DLGAP2: variants seen among roughly 807,000 people sequenced by gnomAD.
The protein encoded by DLGAP2 is disks large-associated protein 2.
In DLGAP2, 26 loss-of-function variants were observed where a neutral mutation model predicts 100.3. That is an observed-to-expected ratio of 0.26 (90% confidence interval 0.19 to 0.36). The LOEUF is 0.36. Ranked by LOEUF, DLGAP2 falls within the 10% of genes least tolerant of loss-of-function variation. The pLI, the probability that DLGAP2 is intolerant of heterozygous loss-of-function variation, is 1.00. For missense variants in DLGAP2, 1,858 were observed against 1,453.2 expected (o/e 1.28, Z -4.53); for synonymous variants, 886 against 630.1 (o/e 1.41, Z -6.08).
chr8:1,002,655 T>C (rs970319505), intron 2 of DLGAP2: 1 of 152,226 alleles, frequency 6.6e-6, no homozygotes, highest in African/African-American at 2.4e-5. Context: ...GGGTCCACTT[T>C]GTAGTGGCAG....
At chr8:1,534,533 C>G (rs552429440) in intron 4 of DLGAP2, among the ~76,000 whole-genome samples, 87 of 152,324 alleles carry the variant, frequency 5.7e-4, no homozygotes, top group African/African-American at 1.8e-3. Flanking sequence ...GAGTTGAACA[C>G]CTGAGTTTAG....
At chr8:818,703 A>C (rs1796531257) in intron 1 of DLGAP2, among the ~76,000 whole-genome samples, 1 of 152,232 alleles carries the variant, frequency 6.6e-6, no homozygotes, top group Admixed American at 6.5e-5. Flanking sequence ...TGTGCTGAGA[A>C]TAGGAAACTT....
chr8:1,319,882 A>G (rs1800855352), intron 3 of DLGAP2, among the ~76,000 whole-genome samples: 1 of 152,224 alleles, frequency 6.6e-6, no homozygotes, highest in Non-Finnish European at 1.5e-5. Flanking sequence ...CACAGGAGAC[A>G]AAGGCAGAGG....
chr8:1,209,041 G>A (rs1482001948), intron 2 of DLGAP2, among the ~76,000 whole-genome samples: 2 of 152,036 alleles, frequency 1.3e-5, no homozygotes, highest in Non-Finnish European at 2.9e-5. Context: ...GCTCATGGAT[G>A]GGTAGAATTA....
chr8:1,256,540 G>A (rs1314930369), intron 2 of DLGAP2, among the ~76,000 whole-genome samples: 2 of 147,686 alleles, frequency 1.4e-5, no homozygotes, highest in Non-Finnish European at 3.0e-5. Context: ...ATCCTGCCCA[G>A]GCGCTGTGTG....
At chr8:1,538,948 C>T (rs750468975) in intron 4 of DLGAP2, among the ~76,000 whole-genome samples, 15 of 145,870 alleles carry the variant, frequency 1.0e-4, no homozygotes, top group East Asian at 2.0e-4. Context: ...TGCAATGGTG[C>T]GATCTCCACT....
At chr8:1,458,070 T>G (rs539275136) in intron 3 of DLGAP2, among the ~76,000 whole-genome samples, 2 of 147,178 alleles carry the variant, frequency 1.4e-5, no homozygotes, top group South Asian at 4.3e-4. Flanking sequence ...ATGTATATAA[T>G]TTTTTGTATG....
intron 1 of DLGAP2, among the ~76,000 whole-genome samples, chr8:765,260 G>T (rs118125615): frequency 6.6e-6 from 1 of 152,202 alleles, no homozygotes; most frequent in East Asian, 1.9e-4. Flanking sequence ...GATTTTCAAG[G>T]GCTGTTCTAG....
intron 9 of DLGAP2, among the ~76,000 whole-genome samples, chr8:1,668,933 C>G (rs1207290494): frequency 6.9e-6 from 1 of 144,484 alleles, no homozygotes; most frequent in Non-Finnish European, 1.5e-5. Context: ...CTCCCTGTCC[C>G]CTGCCACCCT....
At chr8:1,071,010 T>G (rs1036375519) in intron 2 of DLGAP2, among the ~76,000 whole-genome samples, 2 of 152,156 alleles carry the variant, frequency 1.3e-5, no homozygotes, top group African/African-American at 2.4e-5. Context: ...AACAGTGTGC[T>G]GTGGATGAGA....
chr8:1,294,339 C>G (rs1267564707), intron 3 of DLGAP2, among the ~76,000 whole-genome samples: 2 of 152,174 alleles, frequency 1.3e-5, no homozygotes, highest in African/African-American at 2.4e-5. Context: ...CTCGGAGAAG[C>G]CAGATTGTGA....
intron 3 of DLGAP2, among the ~76,000 whole-genome samples, chr8:1,317,675 G>C (rs1416723183): frequency 1.5e-5 from 2 of 137,690 alleles, no homozygotes; most frequent in African/African-American, 5.8e-5. Flanking sequence ...GCGTGTGCGA[G>C]TGCAGCGTCT....
chr8:1,315,213 T>C (rs1320073270), intron 3 of DLGAP2, among the ~76,000 whole-genome samples: 1 of 152,192 alleles, frequency 6.6e-6, no homozygotes, highest in Non-Finnish European at 1.5e-5. Flanking sequence ...CTTTTAAAAA[T>C]AGAGCGTGTG....
At chr8:757,903 G>C (rs990006667) in intron 1 of DLGAP2, among the ~76,000 whole-genome samples, 7 of 152,238 alleles carry the variant, frequency 4.6e-5, no homozygotes, top group African/African-American at 1.2e-4. Flanking sequence ...TTGTCTCCTC[G>C]TTTCCCACCT....
At chr8:1,043,418 G>A (rs1304883962) in intron 2 of DLGAP2, among the ~76,000 whole-genome samples, 2 of 151,778 alleles carry the variant, frequency 1.3e-5, no homozygotes, top group African/African-American at 2.4e-5. Flanking sequence ...GGTGGTGGAT[G>A]TGGGTGGTGG....
chr8:1,306,155 A>G (rs982402675), intron 3 of DLGAP2, among the ~76,000 whole-genome samples: 1 of 151,050 alleles, frequency 6.6e-6, no homozygotes. Context: ...TTATTTGCAG[A>G]TGACATAATC....
intron 2 of DLGAP2, among the ~76,000 whole-genome samples, chr8:1,010,988 G>A (rs924174087): frequency 3.3e-5 from 5 of 151,404 alleles, no homozygotes; most frequent in African/African-American, 7.3e-5. Context: ...GGTGAGCCCC[G>A]GGCGAGGGGC....
intron 6 of DLGAP2, among the ~76,000 whole-genome samples, chr8:1,625,660 TCA>T (rs1474093309): frequency 6.6e-6 from 1 of 152,244 alleles, no homozygotes; most frequent in Non-Finnish European, 1.5e-5. Flanking sequence ...TATGAGACTC[TCA>T]GTTTTTTGGC....
chr8:896,710 C>T (rs1798149730), intron 1 of DLGAP2, among the ~76,000 whole-genome samples: 3 of 152,058 alleles, frequency 2.0e-5, no homozygotes, highest in Non-Finnish European at 4.4e-5. Context: ...CCATCTGAGC[C>T]CGGAAGTGGG....
Sources: allele counts gnomAD v4.1 joint callset (sites outside exome capture counted in the v4.1 genomes callset), GRCh38; gene constraint gnomAD v4.1.1; transcripts MANE v1.5; gene names NCBI Gene and HGNC (gene_info 2026-07-23, HGNC 2026-07-21).